Variants in PPP1R3A observed in about 807,000 individuals in gnomAD.
The protein encoded by PPP1R3A is protein phosphatase 1 regulatory subunit 3A, also known as RG1.
In PPP1R3A, 29 loss-of-function variants were observed where a neutral mutation model predicts 41.7. The observed-to-expected ratio is 0.70, with a 90% CI of 0.52 to 0.95. The LOEUF (loss-of-function observed/expected upper bound fraction) is 0.95. PPP1R3A is among the 40% of genes least tolerant of loss of function. The pLI, the probability that PPP1R3A is intolerant of heterozygous loss-of-function variation, is 0.00. For synonymous variants in PPP1R3A, 485 were observed against 453.4 expected (o/e 1.07, Z -0.89); for missense variants, 1,352 against 1,292.4 (o/e 1.05, Z -0.71).
At chr7:113,891,086 A>AAAAAAAAAC (rs1284404322) in intron 1 of PPP1R3A, among the ~76,000 whole-genome samples, 12 of 26,104 alleles carry the variant, frequency 4.6e-4, no homozygotes, top group African/African-American at 1.0e-3. Flanking sequence ...AAAAAAAGCA[A>AAAAAAAAAC]AAAAAAAAAA....
intron 1 of PPP1R3A, among the ~76,000 whole-genome samples, chr7:113,897,844 A>G (rs112341046): frequency 4.3e-4 from 66 of 151,890 alleles, no homozygotes; most frequent in Middle Eastern, 3.4e-3. Context: ...TGGAAAGGTC[A>G]AGTTGAGAAC....
Position 113,879,032 on chromosome 7 carries a change from C to T in PPP1R3A, c.2060G>A (p.Gly687Glu), listed in dbSNP as rs745649404. Residue 687 changes from glycine to glutamate, a missense_variant, in exon 4 of 4, where the codon GGA becomes GAA. Transcript: ENST00000284601. ...CAAACTCCTCGTATTATCTCTTTTT[C>T]CCCACACGTCTTCACAATCTGTTTG... ...KGQTDCEDVW[G>E]KRDNTRSLKA... The T allele has an allele frequency of 6.8e-6, 11 of 1,613,618 alleles. No individual in the cohort carries two copies. Among genetic ancestry groups the T allele is most frequent in the Non-Finnish European group, 9.3e-6 (11 of 1,179,778 alleles).
chr7:113,903,348 A>C (rs1202292515), intron 1 of PPP1R3A, among the ~76,000 whole-genome samples: 1 of 151,790 alleles, frequency 6.6e-6, no homozygotes, highest in African/African-American at 2.4e-5. Flanking sequence ...TATATAAAAA[A>C]TGACCTATAG....
Position 113,880,074 on chromosome 7 carries a change from T to A in PPP1R3A, c.1018A>T (p.Asn340Tyr), listed in dbSNP as rs1231193870. Residue 340 changes from asparagine to tyrosine, a missense_variant, in exon 4 of 4, where the codon AAT becomes TAT. Transcript: ENST00000284601. The part of the protein sequence containing the change: ...TRSTASRDER[N>Y]TFSTDPVNFP... ...TTGACTGGATCTGTTGAAAATGTAT[T>A]CCTTTCATCTCTGGAAGCAGTACTT... 6.2e-7 allele frequency: 1 copy of A among 1,609,088 alleles called. No individual in the cohort carries two copies. Among genetic ancestry groups the A allele is most frequent in the South Asian group, 1.1e-5 (1 of 90,944 alleles).
intron 1 of PPP1R3A, among the ~76,000 whole-genome samples, chr7:113,882,612 A>G (rs1796712800): frequency 6.6e-6 from 1 of 151,968 alleles, no homozygotes. Flanking sequence ...TTATATAACC[A>G]AAGTAAAAAC....
intron 3 of PPP1R3A, among the ~76,000 whole-genome samples, chr7:113,881,044 T>C (rs1057349442): frequency 1.3e-5 from 2 of 152,064 alleles, no homozygotes; most frequent in Admixed American, 1.3e-4. Flanking sequence ...TGGTGAAGTA[T>C]GTGATTTTTC....
In PPP1R3A at chr7:113,877,825, G is replaced by C; in HGVS notation, c.3267C>G (p.Val1089=). 2 of 1,608,790 alleles carry C rather than the reference G, an allele frequency of 1.2e-6. No homozygotes were observed. The highest frequency in any genetic ancestry group is 1.7e-6 in the Non-Finnish European group (2 of 1,175,808). ...AGCCAATCATTAAGTCATAATGGTA[G>C]ACAGTTATAAGAAATATCAGAAACA... The part of the protein sequence containing the change: ...FLLFLIFLIT[V]YHYDLMIGLT... The change falls in exon 4 of 4, where the codon GTC becomes GTG. Residue 1089 remains valine (V), a synonymous_variant. Coordinates refer to ENST00000284601, the MANE Select transcript of PPP1R3A (RefSeq NM_002711.4).
intron 1 of PPP1R3A, among the ~76,000 whole-genome samples, chr7:113,905,497 G>A (rs1215894295): frequency 2.6e-5 from 4 of 151,670 alleles, no homozygotes; most frequent in Non-Finnish European, 4.4e-5. Context: ...CATGAATATG[G>A]GAATTGTTTC....
At position 113,918,673 on chromosome 7, in the gene PPP1R3A, T is replaced by C. The variant is rs1797383304; in HGVS notation, c.324A>G (p.Pro108=). Residue 108 remains proline, a synonymous_variant, in exon 1 of 4, where the codon CCA becomes CCG. Coordinates refer to ENST00000284601, the MANE Select transcript of PPP1R3A (RefSeq NM_002711.4). ...IFHTEEYVLA[P]LFDLPSSKED... ...CTTTTGAAGAAGGCAAGTCAAACAG[T>C]GGGGCTAAAACATATTCTTCTGTGT... 1.9e-6 allele frequency: 3 copies of C among 1,613,560 alleles called. No homozygotes were observed. Among genetic ancestry groups the C allele is most frequent in the African/African-American group, 2.7e-5 (2 of 74,884 alleles).
At chr7:113,891,474 C>G (rs893550249) in intron 1 of PPP1R3A, among the ~76,000 whole-genome samples, 1 of 151,994 alleles carries the variant, frequency 6.6e-6, no homozygotes, top group Non-Finnish European at 1.5e-5. Flanking sequence ...AATTTGCAGT[C>G]CATGATAGCA....
chr7:113,915,698 A>C (rs1356772009), intron 1 of PPP1R3A, among the ~76,000 whole-genome samples: 4 of 151,440 alleles, frequency 2.6e-5, no homozygotes, highest in African/African-American at 9.7e-5. Context: ...GGAAGTGTAG[A>C]AATGCTCAGA....
At chr7:113,887,321 T>TA (rs1190453127) in intron 1 of PPP1R3A, among the ~76,000 whole-genome samples, 3 of 151,976 alleles carry the variant, frequency 2.0e-5, no homozygotes, top group Admixed American at 6.6e-5. Flanking sequence ...CAGTGTACCT[T>TA]AAATTATATA....
chr7:113,886,453 T>C (rs1380738732), intron 1 of PPP1R3A, among the ~76,000 whole-genome samples: 1 of 152,164 alleles, frequency 6.6e-6, no homozygotes, highest in Non-Finnish European at 1.5e-5. Context: ...CTGCCATGAT[T>C]GTGAGGCCTC....
chr7:113,914,077 G>A (rs1797298934), intron 1 of PPP1R3A, among the ~76,000 whole-genome samples: 1 of 152,138 alleles, frequency 6.6e-6, no homozygotes, highest in Admixed American at 6.6e-5. Context: ...GAGAAATAAT[G>A]CAAGTTCAAG....
chr7:113,913,518 G>A (rs979105219), intron 1 of PPP1R3A, among the ~76,000 whole-genome samples: 1 of 152,074 alleles, frequency 6.6e-6, no homozygotes, highest in African/African-American at 2.4e-5. Flanking sequence ...TGGCATTAAA[G>A]TCATTTAGGA....
intron 1 of PPP1R3A, among the ~76,000 whole-genome samples, chr7:113,916,127 TTTTCAAAATGTGG>T (rs1797338483): frequency 6.6e-6 from 1 of 152,068 alleles, no homozygotes. Flanking sequence ...GCAAATGCTT[TTTTCAAAATGTGG>T]TTCGAATTAT....
intron 1 of PPP1R3A, among the ~76,000 whole-genome samples, chr7:113,900,225 T>C (rs1797041056): frequency 1.3e-5 from 2 of 151,722 alleles, no homozygotes; most frequent in African/African-American, 4.8e-5. Flanking sequence ...ATGTAGTGAA[T>C]AGCCCAATTA....
intron 1 of PPP1R3A, among the ~76,000 whole-genome samples, chr7:113,907,877 G>T (rs1388586584): frequency 6.6e-6 from 1 of 151,744 alleles, no homozygotes; most frequent in Non-Finnish European, 1.5e-5. Flanking sequence ...AAAATATCTG[G>T]TAAGTCTTTT....
intron 1 of PPP1R3A, among the ~76,000 whole-genome samples, chr7:113,894,140 G>A (rs931550575): frequency 1.3e-5 from 2 of 152,060 alleles, no homozygotes; most frequent in African/African-American, 4.8e-5. Flanking sequence ...GCACTCAATT[G>A]TCAGGATCTA....
Sources: allele counts gnomAD v4.1 joint callset (sites outside exome capture counted in the v4.1 genomes callset), GRCh38; gene constraint gnomAD v4.1.1; transcripts MANE v1.5; gene names NCBI Gene and HGNC (gene_info 2026-07-23, HGNC 2026-07-21).